KAT14: variants seen among roughly 807,000 people sequenced by gnomAD.
KAT14 encodes cysteine-rich protein 2-binding protein.
A neutral mutation model predicts 78.4 loss-of-function variants in KAT14; 66 were observed. The observed-to-expected ratio is 0.84, with a 90% CI of 0.69 to 1.03. The LOEUF (loss-of-function observed/expected upper bound fraction) is 1.03. KAT14 is among the 50% of genes least tolerant of loss of function. The pLI is 0.00. For missense variants in KAT14, 870 were observed against 972.5 expected, an observed-to-expected ratio of 0.89 and a Z score of 1.40; for synonymous variants, 344 against 359.4, an observed-to-expected ratio of 0.96 and a Z score of 0.48.
intron 7 of KAT14, among the ~76,000 whole-genome samples, chr20:18,173,372 G>A (rs1429423823): frequency 2.6e-5 from 4 of 152,172 alleles, no homozygotes; most frequent in Non-Finnish European, 2.9e-5. Context: ...CAAATTTGAG[G>A]GCAGTGGTTT....
intron 7 of KAT14, among the ~76,000 whole-genome samples, chr20:18,176,300 C>CA (rs11484238): frequency 0.46 from 51,447 of 111,562 alleles, 12,857 homozygotes; most frequent in East Asian, 0.89. Flanking sequence ...GACTTCGTCT[C>CA]AAAAAAAAAA....
In KAT14 at chr20:18,183,267, C is replaced by G; in HGVS notation, c.1950C>G (p.Ile650Met). 6.2e-7 allele frequency: 1 copy of G among 1,614,086 alleles called. No homozygotes were observed. Among genetic ancestry groups the G allele is most frequent in the Non-Finnish European group, 8.5e-7 (1 of 1,180,010 alleles). ...CYVRPNHIPT[I>M]NSMCQEFFWP... ...TGCGGCCAAATCACATCCCAACGAT[C>G]AACTCCATGTGTCAGGAGTTTTTTT... The change falls in exon 9 of 11, where the codon ATC becomes ATG. Residue 650 changes from isoleucine (I) to methionine (M), a missense_variant. Coordinates refer to ENST00000688188, the MANE Select transcript of KAT14 (RefSeq NM_001392073.1).
intron 5 of KAT14, among the ~76,000 whole-genome samples, chr20:18,160,356 T>C (rs2038374887): frequency 6.6e-6 from 1 of 152,250 alleles, no homozygotes; most frequent in Non-Finnish European, 1.5e-5. Context: ...GAAAGATCTC[T>C]GCAGATTTAA....
chr20:18,142,413 T>C lies in KAT14; in HGVS notation c.-248T>C. Reference sequence around the variant, plus strand: ...ACACGAGTTTGTGTGTGTGTGTTGATGGAGAGTAGCTTAGTAGTATCTTCA... The same window carrying C: ...ACACGAGTTTGTGTGTGTGTGTTGACGGAGAGTAGCTTAGTAGTATCTTCA... On this transcript the variant is annotated 5_prime_UTR_variant, in exon 2 of 11. An upstream start codon of the reference 5' UTR is lost. Coordinates refer to ENST00000688188, the MANE Select transcript of KAT14 (RefSeq NM_001392073.1). 6.6e-7 allele frequency: 1 copy of C among 1,507,652 alleles called. No individual in the cohort carries two copies. Among genetic ancestry groups the C allele is most frequent in the Non-Finnish European group, 8.8e-7 (1 of 1,131,604 alleles). The allele number at this position is 1,507,652 out of a possible 1,614,324, so 93.4% of individuals were successfully genotyped here.
intron 3 of KAT14, among the ~76,000 whole-genome samples, chr20:18,148,212 A>T (rs77377518): frequency 6.6e-6 from 1 of 152,150 alleles, no homozygotes. Flanking sequence ...TTGTAACACA[A>T]ATAGCATTTT....
intron 4 of KAT14, among the ~76,000 whole-genome samples, chr20:18,157,016 A>C (rs2038250892): frequency 6.6e-6 from 1 of 152,140 alleles, no homozygotes; most frequent in Non-Finnish European, 1.5e-5. Flanking sequence ...TTGTATATAT[A>C]TCCTTTGTGT....
chr20:18,145,453 A>C, intron 3 of KAT14, 102 bp downstream of exon 3: 1 of 1,496,464 alleles, frequency 6.7e-7, no homozygotes, highest in Non-Finnish European at 9.0e-7. Context: ...AGTTGTTTGG[A>C]GGGGCACTTT....
intron 2 of KAT14, chr20:18,144,968 T>G (rs1382981385): frequency 1.4e-6 from 1 of 717,980 alleles, no homozygotes; most frequent in Admixed American, 4.6e-5. Context: ...ATGTGACAAT[T>G]GGGAAATCCA....
chr20:18,145,165 C>A, intron 2 of KAT14, 68 bp from the exon 3 acceptor site: 1 of 1,532,798 alleles, frequency 6.5e-7, no homozygotes, highest in South Asian at 1.3e-5. Context: ...GGGTGATAAA[C>A]GGATTAAACC....
intron 7 of KAT14, among the ~76,000 whole-genome samples, chr20:18,177,751 TAA>T (rs1431493117): frequency 6.6e-6 from 1 of 152,208 alleles, no homozygotes; most frequent in Non-Finnish European, 1.5e-5. Context: ...AACAACTTTA[TAA>T]ATGTGCCTTT....
rs936161659 is a variant in KAT14 at position 18,137,949 on chromosome 20, C to T, written c.-556C>T. Reference sequence around the variant, plus strand: ...GGGAGAGAGAGGCCGCGGCCGCCAGCGTGGGGATGTCTAGGAGCTCGAAGG... The same window carrying T: ...GGGAGAGAGAGGCCGCGGCCGCCAGTGTGGGGATGTCTAGGAGCTCGAAGG... On this transcript the variant is annotated 5_prime_UTR_variant, in exon 1 of 11. Coordinates refer to ENST00000688188, the MANE Select transcript of KAT14 (RefSeq NM_001392073.1). The T allele has an allele frequency of 7.2e-5, 106 of 1,481,490 alleles. No individual in the cohort carries two copies. The highest frequency in any genetic ancestry group is 9.3e-5 in the Non-Finnish European group (104 of 1,123,782). 91.8% of individuals were successfully genotyped at this position (1,481,490 alleles called of 1,614,324 possible).
chr20:18,162,329 A>G (rs774625942), intron 6 of KAT14, 48 bp from the exon 7 acceptor site: 4 of 1,602,538 alleles, frequency 2.5e-6, no homozygotes, highest in Admixed American at 1.7e-5. Flanking sequence ...TGTGCTCTGC[A>G]TTTCTTCCTT....
intron 1 of KAT14, among the ~76,000 whole-genome samples, chr20:18,141,869 G>C (rs1220136786): frequency 6.6e-6 from 1 of 152,134 alleles, no homozygotes; most frequent in East Asian, 1.9e-4. Flanking sequence ...CTGGGCGACA[G>C]AGCGAGACTC....
At chr20:18,181,360 G>GTTTTTTTTTTT (rs1245685896) in intron 7 of KAT14, among the ~76,000 whole-genome samples, 3 of 114,114 alleles carry the variant, frequency 2.6e-5, no homozygotes, top group African/African-American at 9.8e-5. Context: ...GAGTAATTTT[G>GTTTTTTTTTTT]TTTCTTTTTT....
chr20:18,148,479 C>T (rs1289671269), intron 3 of KAT14, among the ~76,000 whole-genome samples: 1 of 152,146 alleles, frequency 6.6e-6, no homozygotes, highest in African/African-American at 2.4e-5. Flanking sequence ...TAGTGTTCTT[C>T]AGCATATACT....
At chr20:18,150,686 A>G in intron 3 of KAT14, 135 bp from the exon 4 acceptor site, 1 of 1,399,436 alleles carries the variant, frequency 7.1e-7, no homozygotes, top group Non-Finnish European at 9.7e-7. Flanking sequence ...ATATTCCAAG[A>G]TACCGTCCGT....
chr20:18,159,372 T>G (rs766696228), intron 5 of KAT14, 107 bp downstream of exon 5: 17 of 1,294,762 alleles, frequency 1.3e-5, no homozygotes, highest in Admixed American at 2.8e-5. Context: ...CAGGCCTCTC[T>G]GGAGCTACTC....
At chr20:18,165,174 T>G (rs1270590457) in intron 7 of KAT14, among the ~76,000 whole-genome samples, 1 of 152,136 alleles carries the variant, frequency 6.6e-6, no homozygotes, top group African/African-American at 2.4e-5. Context: ...TTAATTATTC[T>G]TTTGCTTTTT....
At chr20:18,145,126 AAAG>A (rs150056817) in intron 2 of KAT14, 104 bp from the exon 3 acceptor site, 140,822 of 1,453,606 alleles carry the variant, frequency 0.097, 8,545 homozygotes, top group African/African-American at 0.29. Context: ...TGGCTGAAGA[AAAG>A]AAGACAACAT....
Sources: allele counts gnomAD v4.1 joint callset (sites outside exome capture counted in the v4.1 genomes callset), GRCh38; gene constraint gnomAD v4.1.1; transcripts MANE v1.5; gene names NCBI Gene and HGNC (gene_info 2026-07-23, HGNC 2026-07-21).